SLC8A2: variants seen among roughly 807,000 people sequenced by gnomAD.
SLC8A2 encodes solute carrier family 8 member A2, also known as sodium/calcium exchanger 2.
Under a neutral mutation model 70.2 loss-of-function variants are expected in SLC8A2, and 14 were observed. That is an observed-to-expected ratio of 0.20 (90% CI 0.13 to 0.31). The LOEUF (loss-of-function observed/expected upper bound fraction) is 0.31, where lower values mean the gene tolerates loss of function less well. SLC8A2 is among the 10% of genes least tolerant of loss of function. The probability of loss-of-function intolerance (pLI) is 1.00; values close to 1 mark genes in which losing one functional copy is unlikely to be tolerated. For missense variants in SLC8A2, 779 were observed against 1,320.1 expected (o/e 0.59, Z 6.35); for synonymous variants, 575 against 594.3 (o/e 0.97, Z 0.47).
rs928830901 is a variant in SLC8A2 at position 47,429,691 on chromosome 19, G to A, written c.*398C>T. On this transcript the variant is annotated 3_prime_UTR_variant, in exon 10 of 10. Transcript: ENST00000236877. Reference sequence around the variant, plus strand: ...TGGGACATGGGGTGAAGTGGGGGGGGGGTCACTAGGGGAAGGGAGACTTTG... The same window carrying A: ...TGGGACATGGGGTGAAGTGGGGGGGAGGTCACTAGGGGAAGGGAGACTTTG... The A allele has an allele frequency of 2.0e-5, 4 of 199,990 alleles. No homozygotes were observed. Among genetic ancestry groups the A allele is most frequent in the African/African-American group, 7.1e-5 (3 of 42,300 alleles). The allele number at this position is 199,990 out of a possible 1,614,324, so 12.4% of individuals were successfully genotyped here. A position where few individuals can be genotyped will look rare whatever the true frequency, so the allele number is the denominator to read the frequency against.
At position 47,437,579 on chromosome 19, in the gene SLC8A2, G is replaced by A. The variant is rs1967046201; in HGVS notation, c.2011-18C>T. ...ACCGTGTTCTGGGGATGAGAGGGTG[G>A]GGGAGAGGTCACTGCCCCTGAGCGA... On this transcript the variant is annotated intron_variant, in intron 7 of 9. Transcript: ENST00000236877. 6.3e-7 allele frequency: 1 copy of A among 1,586,608 alleles called. No homozygotes were observed. Among genetic ancestry groups the A allele is most frequent in the Non-Finnish European group, 8.7e-7 (1 of 1,155,092 alleles).
chr19:47,459,776 T>G (rs551674568), intron 2 of SLC8A2, among the ~76,000 whole-genome samples: 1 of 152,038 alleles, frequency 6.6e-6, no homozygotes, highest in Non-Finnish European at 1.5e-5. Flanking sequence ...TGTGTGTGCA[T>G]GTGTGTCCAT....
chr19:47,435,082 G>A (rs12462839), intron 8 of SLC8A2, among the ~76,000 whole-genome samples: 21,389 of 151,804 alleles, frequency 0.14, 2,596 homozygotes, highest in African/African-American at 0.32. Context: ...GGTGGTGGGT[G>A]CCTGTAATCC....
chr19:47,458,178 T>A (rs1471918784), intron 2 of SLC8A2, among the ~76,000 whole-genome samples: 1 of 144,714 alleles, frequency 6.9e-6, no homozygotes, highest in East Asian at 2.2e-4. Context: ...CATCTCTCTC[T>A]CCTCCCCACT....
At chr19:47,446,832 G>A (rs1269349719) in intron 4 of SLC8A2, among the ~76,000 whole-genome samples, 1 of 132,206 alleles carries the variant, frequency 7.6e-6, no homozygotes, top group East Asian at 2.3e-4. Context: ...TGACCACCAC[G>A]CCTGGCCCTG....
chr19:47,436,810 A>AGGG (rs1967035057), intron 8 of SLC8A2, among the ~76,000 whole-genome samples: 1 of 152,110 alleles, frequency 6.6e-6, no homozygotes, highest in South Asian at 2.1e-4. Context: ...TCTAGCCACA[A>AGGG]GGGGGCAGTG....
At chr19:47,461,018 C>T (rs1338929917) in intron 2 of SLC8A2, among the ~76,000 whole-genome samples, 2 of 151,190 alleles carry the variant, frequency 1.3e-5, no homozygotes, top group Admixed American at 6.6e-5. Context: ...GGTGAAACCC[C>T]GTCTCTACTA....
chr19:47,439,854 G>T (rs957002472), intron 6 of SLC8A2, among the ~76,000 whole-genome samples: 1 of 152,132 alleles, frequency 6.6e-6, no homozygotes, highest in Admixed American at 6.6e-5. Flanking sequence ...AGTAGAGACA[G>T]GGTTTCACCA....
At chr19:47,454,691 C>G (rs1164178009) in intron 3 of SLC8A2, among the ~76,000 whole-genome samples, 1 of 151,898 alleles carries the variant, frequency 6.6e-6, no homozygotes, top group Non-Finnish European at 1.5e-5. Flanking sequence ...GAAAGACCTG[C>G]AAATGTCCAA....
chr19:47,440,063 C>T (rs957172132), intron 6 of SLC8A2, among the ~76,000 whole-genome samples: 12 of 152,170 alleles, frequency 7.9e-5, no homozygotes, highest in African/African-American at 2.2e-4. Context: ...TTTAATCTAA[C>T]TCTAATCCTA....
At chr19:47,464,131 A>G (rs951546005) in intron 2 of SLC8A2, among the ~76,000 whole-genome samples, 1 of 152,032 alleles carries the variant, frequency 6.6e-6, no homozygotes, top group African/African-American at 2.4e-5. Flanking sequence ...TTCTTTTTTT[A>G]GATAGAGTCT....
At position 47,447,513 on chromosome 19, in the gene SLC8A2, A is replaced by T. The variant is rs976013515; in HGVS notation, c.1763+296T>A. On this transcript the variant is annotated intron_variant, in intron 4 of 9. Transcript: ENST00000236877. The surrounding 1 kb of genome is among the most constrained non-coding windows in gnomAD (Gnocchi z 5.1). ...CAGGCCCCGCCCACGTGGTAGACAC[A>T]GCACACCTAGGCCCCGCCCCTCCCG... 4.8e-5 allele frequency: 22 copies of T among 455,658 alleles called. No individual in the cohort carries two copies. The highest frequency in any genetic ancestry group is 3.0e-4 in the Admixed American group (7 of 23,442). The allele number at this position is 455,658 out of a possible 1,614,324, so 28.2% of individuals were successfully genotyped here. A position where few individuals can be genotyped will look rare whatever the true frequency, so the allele number is the denominator to read the frequency against.
chr19:47,442,903 G>A (rs1967115907), intron 4 of SLC8A2, among the ~76,000 whole-genome samples: 1 of 152,048 alleles, frequency 6.6e-6, no homozygotes, highest in East Asian at 1.9e-4. Context: ...GGCTGGTCTT[G>A]AACTCCTGCC....
chr19:47,445,440 C>T (rs573284672), intron 4 of SLC8A2, among the ~76,000 whole-genome samples: 88 of 152,104 alleles, frequency 5.8e-4, no homozygotes, highest in Admixed American at 3.0e-3. Context: ...GTCTCTGTCT[C>T]TCTGTTCTGT....
At position 47,429,299 on chromosome 19, in the gene SLC8A2, A is replaced by T. The variant is rs1282687438; in HGVS notation, c.*790T>A. The T allele has an allele frequency of 2.0e-5, 3 of 151,834 alleles. No homozygotes were observed. Among genetic ancestry groups the T allele is most frequent in the Non-Finnish European group, 4.4e-5 (3 of 67,884 alleles). The allele number at this position is 151,834 out of a possible 1,614,324, so 9.4% of individuals were successfully genotyped here. On this transcript the variant is annotated 3_prime_UTR_variant, in exon 10 of 10. Transcript: ENST00000236877. The stretch of plus-strand genomic sequence containing the variant: ...CCCGCGTCCCCCCTCCCCCAAACAC[A>T]CTATATACACACACAAGCCCCTCCC...
intron 2 of SLC8A2, among the ~76,000 whole-genome samples, chr19:47,460,646 G>A (rs1008672710): frequency 4.0e-5 from 6 of 151,332 alleles, no homozygotes; most frequent in African/African-American, 1.2e-4. Context: ...GCAGTGAGCC[G>A]AGATCACGCC....
intron 1 of SLC8A2, among the ~76,000 whole-genome samples, chr19:47,467,876 G>C (rs1362471021): frequency 6.7e-6 from 1 of 149,322 alleles, no homozygotes; most frequent in Non-Finnish European, 1.5e-5. Flanking sequence ...GTGTGGTGGC[G>C]TGTGCCTATA....
At position 47,430,763 on chromosome 19, in the gene SLC8A2, G is replaced by A. The variant is rs1966947605; in HGVS notation, c.2390-298C>T. Among the ~76,000 whole-genome samples the A allele has an allele frequency of 6.6e-6, 1 of 152,046 alleles. No individual in the cohort carries two copies. Among genetic ancestry groups the A allele is most frequent in the Non-Finnish European group, 1.5e-5 (1 of 68,012 alleles). On this transcript the variant is annotated intron_variant, in intron 9 of 9. Transcript: ENST00000236877. This position sits in a 1 kb window ranked among gnomAD's most constrained non-coding sequence, Gnocchi z 5.9. The stretch of plus-strand genomic sequence containing the variant: ...TTCCTCCGAGACGGAGTTTTGCTCT[G>A]TCACCCAGGCTGGAGTGCAGTGGCG...
intron 2 of SLC8A2, among the ~76,000 whole-genome samples, chr19:47,462,954 A>G (rs975114646): frequency 1.3e-5 from 2 of 151,968 alleles, no homozygotes; most frequent in African/African-American, 4.8e-5. Context: ...CTTGTTTTAA[A>G]TCTCGTGGCT....
Sources: allele counts gnomAD v4.1 joint callset (sites outside exome capture counted in the v4.1 genomes callset), GRCh38; gene constraint gnomAD v4.1.1; non-coding constraint Gnocchi (gnomAD v3.1); transcripts MANE v1.5; gene names NCBI Gene and HGNC (gene_info 2026-07-23, HGNC 2026-07-21).